Variants in C1orf21 observed in about 807,000 individuals in gnomAD.
C1orf21 encodes uncharacterized protein C1orf21.
C1orf21 carries 3 observed loss-of-function variants against 18.7 expected under a neutral mutation model. The observed-to-expected ratio is 0.16, with a 90% confidence interval of 0.07 to 0.42. The LOEUF (loss-of-function observed/expected upper bound fraction) is 0.42, where lower values mean the gene tolerates loss of function less well. Among genes scored for constraint, C1orf21 ranks in the 10% least tolerant of loss-of-function variants. C1orf21 has a pLI of 0.99. For missense variants in C1orf21, 104 were observed against 143.6 expected, an observed-to-expected ratio of 0.72 and a Z score of 1.41; for synonymous variants, 41 against 46.4, an observed-to-expected ratio of 0.88 and a Z score of 0.47.
rs1659967675 is a variant in C1orf21, at chr1:184,624,105, T to C, written c.*4549T>C. 6.6e-6 allele frequency: 1 copy of C among 152,656 alleles called. No individual in the cohort carries two copies. Among genetic ancestry groups the C allele is most frequent in the Non-Finnish European group, 1.5e-5 (1 of 68,046 alleles). 9.5% of individuals were successfully genotyped at this position (152,656 alleles called of 1,614,324 possible). A position where few individuals can be genotyped will look rare whatever the true frequency, so the allele number is the denominator to read the frequency against. On this transcript the variant is annotated 3_prime_UTR_variant, in exon 6 of 6. Transcript: ENST00000235307. ...TGCATCTATCCAACATAAATGCCCATGTTGAAAGAAGGAAAGATGTCATTC... is the reference window on the plus strand; with the variant it reads ...TGCATCTATCCAACATAAATGCCCACGTTGAAAGAAGGAAAGATGTCATTC...
chr1:184,586,597 A>G (rs994701409), intron 3 of C1orf21, among the ~76,000 whole-genome samples: 11 of 151,956 alleles, frequency 7.2e-5, no homozygotes, highest in African/African-American at 2.7e-4. Flanking sequence ...CCACTTTTTA[A>G]TGGGGGTTGT....
chr1:184,472,154 T>C (rs1186203397), intron 1 of C1orf21, among the ~76,000 whole-genome samples: 4 of 152,050 alleles, frequency 2.6e-5, no homozygotes, highest in Middle Eastern at 3.2e-3. Context: ...ATATATATTT[T>C]TTCCTTTATG....
At chr1:184,424,102 A>G (rs1232795093) in intron 1 of C1orf21, among the ~76,000 whole-genome samples, 1 of 152,098 alleles carries the variant, frequency 6.6e-6, no homozygotes, top group Non-Finnish European at 1.5e-5. Context: ...CCTGTCTCCT[A>G]CTGGTCCTAC....
intron 1 of C1orf21, among the ~76,000 whole-genome samples, chr1:184,394,295 T>C (rs1295200915): frequency 6.6e-6 from 1 of 152,240 alleles, no homozygotes; most frequent in Non-Finnish European, 1.5e-5. Context: ...GTGTCATGGA[T>C]ACTGCAGCAG....
In C1orf21 at chr1:184,444,964, C is replaced by A. The variant is rs78163408; in HGVS notation, c.-124-32422C>A. Among the ~76,000 whole-genome samples, 59 of 152,160 alleles carry A rather than the reference C, an allele frequency of 3.9e-4. No individual in the cohort carries two copies. The East Asian group carries it at 0.01, about 26-fold the overall frequency. ...ACCTGGGATGAATATAATATTTGTT[C>A]AATGGTCATGTGTAGCGTGACTTGT... On this transcript the variant is annotated intron_variant, in intron 1 of 5. Coordinates refer to ENST00000235307, the MANE Select transcript of C1orf21 (RefSeq NM_030806.4).
intron 5 of C1orf21, among the ~76,000 whole-genome samples, chr1:184,616,680 G>C (rs1393151370): frequency 6.6e-6 from 1 of 151,954 alleles, no homozygotes; most frequent in Admixed American, 6.6e-5. Context: ...ATGTGTGCAC[G>C]TGTGTGTGCT....
At chr1:184,516,663 T>C (rs550382852) in intron 3 of C1orf21, among the ~76,000 whole-genome samples, 17 of 152,280 alleles carry the variant, frequency 1.1e-4, no homozygotes, top group Non-Finnish European at 2.2e-4. Context: ...AAGCCCTTGG[T>C]AAAACCATCA....
intron 1 of C1orf21, among the ~76,000 whole-genome samples, chr1:184,470,850 G>A (rs557275383): frequency 3.3e-5 from 5 of 151,794 alleles, no homozygotes; most frequent in African/African-American, 7.2e-5. Context: ...CTGCACTCCA[G>A]CTTGGGCAAC....
At position 184,625,463 on chromosome 1, in the gene C1orf21, A is replaced by G. The variant is rs979095852; in HGVS notation, c.*5907A>G. The G allele has an allele frequency of 9.2e-5, 14 of 152,604 alleles. No homozygotes were observed. The highest frequency in any genetic ancestry group is 3.1e-4 in the African/African-American group (13 of 41,432). 9.5% of individuals were successfully genotyped at this position (152,604 alleles called of 1,614,324 possible). The stretch of plus-strand genomic sequence containing the variant: ...TTCAAACCAAGATGCAAATTCATAA[A>G]ATTACTCTTTTCCTGGAATAGATCC... On this transcript the variant is annotated 3_prime_UTR_variant, in exon 6 of 6. Transcript: ENST00000235307.
At chr1:184,457,460 A>AAT (rs542137133) in intron 1 of C1orf21, among the ~76,000 whole-genome samples, 2,267 of 148,974 alleles carry the variant, frequency 0.015, 29 homozygotes, top group Non-Finnish European at 0.024. Context: ...GTTGAATATA[A>AAT]ATATATATAT....
At chr1:184,453,611 C>T (rs1000153406) in intron 1 of C1orf21, among the ~76,000 whole-genome samples, 1 of 152,156 alleles carries the variant, frequency 6.6e-6, no homozygotes, top group African/African-American at 2.4e-5. Context: ...TTGCTTGATA[C>T]TGCCACCTAT....
intron 1 of C1orf21, among the ~76,000 whole-genome samples, chr1:184,451,602 A>G (rs945177937): frequency 6.6e-6 from 1 of 151,778 alleles, no homozygotes; most frequent in African/African-American, 2.4e-5. Context: ...ACCAGGCCCA[A>G]TCTGGAACAT....
At chr1:184,497,535 T>C (rs770508063) in intron 2 of C1orf21, among the ~76,000 whole-genome samples, 5 of 152,238 alleles carry the variant, frequency 3.3e-5, no homozygotes, top group Non-Finnish European at 4.4e-5. Flanking sequence ...ATGTGAGCAC[T>C]GATTTTGGGA....
intron 3 of C1orf21, among the ~76,000 whole-genome samples, chr1:184,573,144 GCCTATTAAC>G (rs1428975065): frequency 6.6e-6 from 1 of 152,024 alleles, no homozygotes; most frequent in Non-Finnish European, 1.5e-5. Flanking sequence ...ATTGTAAACA[GCCTATTAAC>G]CCTTTTCCAT....
chr1:184,390,220 A>G (rs1307786769), intron 1 of C1orf21, among the ~76,000 whole-genome samples: 1 of 152,326 alleles, frequency 6.6e-6, no homozygotes, highest in South Asian at 2.1e-4. Context: ...TTTAGCTGGT[A>G]TCTTAGAGTG....
chr1:184,450,473 T>G (rs190334343), intron 1 of C1orf21, among the ~76,000 whole-genome samples: 1 of 152,268 alleles, frequency 6.6e-6, no homozygotes, highest in Admixed American at 6.5e-5. Context: ...ATGCTTTTAA[T>G]AGGAAGAATG....
rs1659943717 is a variant in C1orf21 at position 184,622,728 on chromosome 1, C to CCAT, written c.*3177_*3179dup. On this transcript the variant is annotated 3_prime_UTR_variant, in exon 6 of 6. Coordinates refer to ENST00000235307, the MANE Select transcript of C1orf21 (RefSeq NM_030806.4). ...ACAGGTCTCTCTCCGTCCACAGTGC[C>CCAT]CATCATCTGAGCCTGGGCTGGGATG... is the stretch of plus-strand genomic sequence containing the variant. 1 of 152,672 alleles carries CCAT rather than the reference C, an allele frequency of 6.5e-6. No individual in the cohort carries two copies. The highest frequency in any genetic ancestry group is 2.4e-5 in the African/African-American group (1 of 41,428). 9.5% of individuals were successfully genotyped at this position (152,672 alleles called of 1,614,324 possible). A position where few individuals can be genotyped will look rare whatever the true frequency, so the allele number is the denominator to read the frequency against.
At chr1:184,509,684 T>C (rs12745656) in intron 3 of C1orf21, among the ~76,000 whole-genome samples, 11,315 of 152,238 alleles carry the variant, frequency 0.074, 594 homozygotes, top group Middle Eastern at 0.15. Context: ...ATAAAATAGA[T>C]TTAACAATTC....
At chr1:184,482,243 TG>T (rs1327213232) in intron 2 of C1orf21, among the ~76,000 whole-genome samples, 1 of 152,204 alleles carries the variant, frequency 6.6e-6, no homozygotes, top group East Asian at 1.9e-4. Context: ...TTTGGGCTTC[TG>T]TCCACAAGGC....
Sources: allele counts gnomAD v4.1 joint callset (sites outside exome capture counted in the v4.1 genomes callset), GRCh38; gene constraint gnomAD v4.1.1; transcripts MANE v1.5; gene names NCBI Gene and HGNC (gene_info 2026-07-23, HGNC 2026-07-21).